POM121: variants seen among roughly 807,000 people sequenced by gnomAD.
POM121 encodes POM121 transmembrane nucleoporin, also known as nuclear envelope pore membrane protein POM 121.
Under a neutral mutation model 81.3 loss-of-function variants are expected in POM121, and 32 were observed. The observed-to-expected ratio is 0.39, with a 90% CI of 0.30 to 0.53. The LOEUF (loss-of-function observed/expected upper bound fraction) is 0.53. Among genes scored for constraint, POM121 ranks in the 20% least tolerant of loss-of-function variants. POM121 has a pLI of 0.66. For missense variants in POM121, 1,138 were observed against 1,614.6 expected (o/e 0.70, Z 5.06); for synonymous variants, 514 against 694.2 (o/e 0.74, Z 4.08).
intron 5 of POM121, among the ~76,000 whole-genome samples, chr7:72,932,417 C>T (rs1192491515): frequency 2.0e-5 from 3 of 151,168 alleles, no homozygotes; most frequent in African/African-American, 7.3e-5. Flanking sequence ...TACACAGAAA[C>T]TCATCTTTGG....
chr7:72,888,846 A>G (rs573196183), intron 1 of POM121, among the ~76,000 whole-genome samples: 1 of 151,848 alleles, frequency 6.6e-6, no homozygotes, highest in South Asian at 2.1e-4. Flanking sequence ...ATCAGTTTCT[A>G]TTTTCTTTAG....
At chr7:72,886,934 T>C (rs1718999558) in intron 1 of POM121, among the ~76,000 whole-genome samples, 1 of 151,514 alleles carries the variant, frequency 6.6e-6, no homozygotes, top group South Asian at 2.1e-4. Context: ...CTTGGGTTTA[T>C]GGTGTCATCA....
exon 1 of POM121, chr7:72,879,830 C>T (rs1789949321): frequency 2.0e-6 from 1 of 506,480 alleles, no homozygotes; most frequent in South Asian, 1.4e-5. Flanking sequence ...CCAGCGACAG[C>T]AGCCCGCCCC....
downstream of POM121, chr7:72,949,295 G>A (rs782398172): frequency 3.0e-5 from 25 of 829,188 alleles, no homozygotes; most frequent in South Asian, 9.3e-5. Context: ...CCTCAGCCAC[G>A]CCTTCTCACC....
intron 3 of POM121, among the ~76,000 whole-genome samples, chr7:72,892,504 A>C (rs2906954): frequency 2.6e-5 from 4 of 152,182 alleles, no homozygotes; most frequent in Non-Finnish European, 5.9e-5. Context: ...TTTTGACATT[A>C]GTGTTCAGTA....
rs555797279 is a variant in POM121 at position 72,946,505 on chromosome 7, C to G, written c.*271C>G. 12 of 1,270,474 alleles carry G rather than the reference C, an allele frequency of 9.4e-6. No homozygotes were observed. The highest frequency in any genetic ancestry group is 7.2e-5 in the East Asian group (2 of 27,946). 78.7% of individuals were successfully genotyped at this position (1,270,474 alleles called of 1,614,324 possible). On this transcript the variant is annotated 3_prime_UTR_variant, in exon 13 of 13. Transcript: ENST00000434423. ...GGGAGGCTGGAGAACTAAGGAAACA[C>G]CTGTACATAGTGTCCGCTGCCCTGA...
chr7:72,912,705 G>C (rs1395738634), intron 3 of POM121, among the ~76,000 whole-genome samples: 3 of 152,146 alleles, frequency 2.0e-5, no homozygotes, highest in Non-Finnish European at 4.4e-5. Context: ...CTTGAACCCG[G>C]GAGGCAGAGG....
intron 3 of POM121, among the ~76,000 whole-genome samples, chr7:72,900,335 C>T (rs1357029747): frequency 1.3e-5 from 2 of 148,172 alleles, no homozygotes; most frequent in African/African-American, 4.9e-5. Context: ...CCTTTTATTC[C>T]TGATGCTGGT....
At chr7:72,912,764 C>G (rs1307703372) in intron 3 of POM121, among the ~76,000 whole-genome samples, 2 of 152,112 alleles carry the variant, frequency 1.3e-5, no homozygotes, top group Non-Finnish European at 2.9e-5. Flanking sequence ...GGCAACAGAG[C>G]AAGACTCCGT....
Position 72,925,173 on chromosome 7 carries a change from G to A in POM121, c.52G>A (p.Ala18Thr), listed in dbSNP as rs782658819. 1.1e-5 allele frequency: 17 copies of A among 1,504,972 alleles called. No individual in the cohort carries two copies. The highest frequency in any genetic ancestry group is 2.9e-5 in the African/African-American group (2 of 69,144). The allele number at this position is 1,504,972 out of a possible 1,614,324, so 93.2% of individuals were successfully genotyped here. ...AGCAGGCGAGCGGCGGCGGCCCATA[G>A]CGAGTGTCAGGGACGGCCGGGGCCG... ...AGAGERRRPI[A>T]SVRDGRGRGC... Residue 18 changes from alanine (A) to threonine (T), a missense_variant, in exon 1 of 13, where the codon GCG becomes ACG. Ala to Thr is a moderately conservative substitution (Grantham distance 58, BLOSUM62 0). Coordinates refer to ENST00000434423, the MANE Select transcript of POM121 (RefSeq NM_001387691.1).
At chr7:72,926,681 G>GT in intron 2 of POM121, 121 bp from the exon 3 acceptor site, 2 of 1,498,254 alleles carry the variant, frequency 1.3e-6, no homozygotes, top group South Asian at 2.6e-5. Context: ...GGGAACTGCT[G>GT]TGAGTGTATA....
In POM121 at chr7:72,925,180, T is replaced by A. The variant is rs782005642; in HGVS notation, c.59T>A (p.Val20Asp). The A allele has an allele frequency of 2.4e-5, 37 of 1,515,060 alleles. No homozygotes were observed. The highest frequency in any genetic ancestry group is 2.1e-4 in the Middle Eastern group (1 of 4,782). The allele number at this position is 1,515,060 out of a possible 1,614,324, so 93.9% of individuals were successfully genotyped here. Residue 20 changes from valine to aspartate, a missense_variant, in exon 1 of 13, where the codon GTC (valine) becomes GAC (aspartate). Around this residue, in one of 7 missense-constraint regions of POM121, gnomAD observed 646 missense variants for 633.5 expected, o/e 1.02. Transcript: ENST00000434423. Reference sequence around the variant, plus strand: ...GAGCGGCGGCGGCCCATAGCGAGTGTCAGGGACGGCCGGGGCCGGGGCTGC... The same window carrying A: ...GAGCGGCGGCGGCCCATAGCGAGTGACAGGGACGGCCGGGGCCGGGGCTGC... ...AGERRRPIAS[V>D]RDGRGRGCGG...
chr7:72,880,996 A>G (rs1304088155), intron 1 of POM121, among the ~76,000 whole-genome samples: 1 of 90,546 alleles, frequency 1.1e-5, no homozygotes, highest in Non-Finnish European at 2.5e-5. Context: ...CGTGCTACCC[A>G]TGAGAGTCTA....
At chr7:72,931,813 C>A (rs1345480354) in intron 5 of POM121, among the ~76,000 whole-genome samples, 1 of 152,154 alleles carries the variant, frequency 6.6e-6, no homozygotes. Context: ...TCAGGTGATC[C>A]ACCCACCTTG....
rs1428729818 is a variant in POM121 at position 72,925,434 on chromosome 7, C to G, written c.313C>G (p.Leu105Val). 1 of 1,533,914 alleles carries G rather than the reference C, an allele frequency of 6.5e-7. No homozygotes were observed. The highest frequency in any genetic ancestry group is 8.7e-7 in the Non-Finnish European group (1 of 1,146,640). The stretch of plus-strand genomic sequence containing the variant: ...TCGGAAGGCGCGTCATCGGCGAACA[C>G]TGTTCGCTTCGCCTCTGGCCAAGTC... ...FVRKARHRRT[L>V]FASPLAKSTA... Residue 105 changes from leucine to valine, a missense_variant, in exon 1 of 13, where the codon CTG becomes GTG. Coordinates refer to ENST00000434423, the MANE Select transcript of POM121 (RefSeq NM_001387691.1).
At chr7:72,945,791 C>T in intron 12 of POM121, 83 bp downstream of exon 12, 2 of 1,522,130 alleles carry the variant, frequency 1.3e-6, no homozygotes, top group South Asian at 1.3e-5. Flanking sequence ...TCCTCTGAGG[C>T]CCGGTGAAGA....
intron 7 of POM121, among the ~76,000 whole-genome samples, 173 bp from the exon 8 acceptor site, chr7:72,939,673 GT>G (rs1439210386): frequency 1.6e-4 from 25 of 152,298 alleles, no homozygotes; most frequent in African/African-American, 6.0e-4. Flanking sequence ...ACAGTAAGCG[GT>G]TTGTGTGCGC....
chr7:72,933,338 G>A (rs1430147065), intron 5 of POM121, among the ~76,000 whole-genome samples: 1 of 152,184 alleles, frequency 6.6e-6, no homozygotes, highest in African/African-American at 2.4e-5. Flanking sequence ...GGACGACAGA[G>A]TGAGATTCTG....
rs535866983 is a variant in POM121 at position 72,940,105 on chromosome 7, C to A, written c.1563+137C>A. Reference sequence around the variant, plus strand: ...TTTTTGAGACAACATCCCTCTGTCACCCAGGCTGGAGTGCAGTGGCTCGAT... The same window carrying A: ...TTTTTGAGACAACATCCCTCTGTCAACCAGGCTGGAGTGCAGTGGCTCGAT... On this transcript the variant is annotated intron_variant, in intron 8 of 12. Coordinates refer to ENST00000434423, the MANE Select transcript of POM121 (RefSeq NM_001387691.1). 24 of 1,164,314 alleles carry A rather than the reference C, an allele frequency of 2.1e-5. No homozygotes were observed. The South Asian group carries it at 4.0e-4, about 19-fold the overall frequency. The allele number at this position is 1,164,314 out of a possible 1,614,324, so 72.1% of individuals were successfully genotyped here.
Sources: allele counts gnomAD v4.1 joint callset (sites outside exome capture counted in the v4.1 genomes callset), GRCh38; gene constraint gnomAD v4.1.1; regional missense constraint gnomAD v4.1.1; transcripts MANE v1.5; gene names NCBI Gene and HGNC (gene_info 2026-07-23, HGNC 2026-07-21).